Variants in LONP1 observed in about 807,000 individuals in gnomAD.
The protein encoded by LONP1 is lon peptidase 1, mitochondrial.
LONP1 carries 31 observed loss-of-function variants against 98.5 expected under a neutral mutation model. The observed-to-expected ratio is 0.31, with a 90% confidence interval of 0.24 to 0.42. The LOEUF (loss-of-function observed/expected upper bound fraction) is 0.42. LONP1 is among the 20% of genes least tolerant of loss of function. The pLI, the probability that LONP1 is intolerant of heterozygous loss-of-function variation, is 1.00. For synonymous variants in LONP1, 781 were observed against 594.7 expected, an observed-to-expected ratio of 1.31 and a Z score of -4.56; for missense variants, 1,336 against 1,350.6, an observed-to-expected ratio of 0.99 and a Z score of 0.17.
chr19:5,699,272 G>T, intron 9 of LONP1, 67 bp from the exon 10 acceptor site: 1 of 1,298,814 alleles, frequency 7.7e-7, no homozygotes, highest in Non-Finnish European at 1.0e-6. Flanking sequence ...CATGACTCTC[G>T]CCACCTGCAC....
At chr19:5,714,306 G>A (rs2055280678) in intron 1 of LONP1, 35 bp from the exon 2 acceptor site, 1 of 1,464,316 alleles carries the variant, frequency 6.8e-7, no homozygotes, top group African/African-American at 1.4e-5. Flanking sequence ...GAAATGCAGA[G>A]TAGATTTTTT....
At chr19:5,714,634 T>C (rs1166658749) in intron 1 of LONP1, among the ~76,000 whole-genome samples, 1 of 149,296 alleles carries the variant, frequency 6.7e-6, no homozygotes, top group South Asian at 2.1e-4. Context: ...TTTTTTTTTT[T>C]CTGAGACGGA....
chr19:5,709,031 A>T (rs2055194323), intron 4 of LONP1: 1 of 151,376 alleles, frequency 6.6e-6, no homozygotes, highest in African/African-American at 2.4e-5. Flanking sequence ...AAAAAAAAAA[A>T]AAAGACCAAG....
Position 5,691,976 on chromosome 19 carries a change from T to TCAGTTCTGGCCCATACAGGGCCTGACATC in LONP1, c.*55_*56insGATGTCAGGCCCTGTATGGGCCAGAACTG. On this transcript the variant is annotated 3_prime_UTR_variant, in exon 18 of 18. Coordinates refer to ENST00000360614, the MANE Select transcript of LONP1 (RefSeq NM_004793.4). ...GGTCCGGGCGCGCTCCCCACAGCGC[T>TCAGTTCTGGCCCATACAGGGCCTGACATC]CAGTTCTGGCCCAGACAGGGCCTGA... 2 of 1,536,478 alleles carry TCAGTTCTGGCCCATACAGGGCCTGACATC rather than the reference T, an allele frequency of 1.3e-6. No individual in the cohort carries two copies. The highest frequency in any genetic ancestry group is 1.8e-6 in the Non-Finnish European group (2 of 1,135,662).
chr19:5,696,142 G>T lies in LONP1; in HGVS notation c.1925C>A (p.Thr642Lys), dbSNP rs371606894. 6.2e-7 allele frequency: 1 copy of T among 1,612,950 alleles called. No individual in the cohort carries two copies. The highest frequency in any genetic ancestry group is 8.5e-7 in the Non-Finnish European group (1 of 1,179,898). ...TCGCAGCGGCTCGGGGATGGTGTCC[G>T]TGACGTTGGCCGTGCAGATGAACAG... ...KVLFICTANV[T>K]DTIPEPLRDR... is the part of the protein sequence containing the mutation. The change falls in exon 13 of 18, where the codon ACG becomes AAG. Residue 642 changes from threonine to lysine, a missense_variant. Physicochemically the swap from Thr to Lys is moderately conservative, Grantham distance 78 (BLOSUM62 -1). Around this residue, in one of 5 missense-constraint regions of LONP1, gnomAD observed 555 missense variants for 542.6 expected, o/e 1.02. Transcript: ENST00000360614.
intron 7 of LONP1, 37 bp downstream of exon 7, chr19:5,707,023 G>A (rs1433561679): frequency 1.9e-6 from 3 of 1,558,896 alleles, no homozygotes; most frequent in East Asian, 2.3e-5. Context: ...CGAGGGGAAG[G>A]CCCCCAAGAG....
intron 17 of LONP1, among the ~76,000 whole-genome samples, chr19:5,692,730 C>G (rs1443348159): frequency 2.6e-5 from 4 of 152,170 alleles, no homozygotes; most frequent in African/African-American, 9.7e-5. Flanking sequence ...TCCCAATTTG[C>G]CTCCACCATT....
Position 5,696,522 on chromosome 19 carries a change from G to C in LONP1, c.1773+148C>G, listed in dbSNP as rs544843800. On this transcript the variant is annotated intron_variant, in intron 11 of 17. Transcript: ENST00000360614. ...GGGCAGCCTGCTGGGCGTGGCTGTG[G>C]GTGGGAGGGACCCGTCCGTGCCATC... is the stretch of plus-strand genomic sequence containing the variant. The C allele has an allele frequency of 7.8e-4, 1,025 of 1,307,748 alleles. 4 individuals carry two copies. The African/African-American group carries it at 0.014, about 18-fold the overall frequency. The allele number at this position is 1,307,748 out of a possible 1,614,324, so 81.0% of individuals were successfully genotyped here.
At chr19:5,701,694 C>G (rs1315887009) in intron 8 of LONP1, among the ~76,000 whole-genome samples, 2 of 152,188 alleles carry the variant, frequency 1.3e-5, no homozygotes, top group African/African-American at 2.4e-5. Flanking sequence ...CCTCCACCTC[C>G]CAGCCGCCTG....
intron 10 of LONP1, among the ~76,000 whole-genome samples, chr19:5,697,800 CTCCCCGCA>C (rs1441025242): frequency 6.6e-6 from 1 of 152,026 alleles, no homozygotes. Context: ...GACGCCTGCC[CTCCCCGCA>C]GCCCCGCTAC....
chr19:5,693,522 G>C, intron 16 of LONP1, 30 bp downstream of exon 16: 1 of 1,613,114 alleles, frequency 6.2e-7, no homozygotes, highest in African/African-American at 1.3e-5. Flanking sequence ...GGACTGGGCG[G>C]GAGCAGGTGG....
chr19:5,711,604 G>A (rs2055237584), intron 4 of LONP1, among the ~76,000 whole-genome samples, 167 bp downstream of exon 4: 1 of 152,188 alleles, frequency 6.6e-6, no homozygotes. Flanking sequence ...AAGACCTCTG[G>A]GAGGAAAAGC....
At chr19:5,693,241 T>G in intron 17 of LONP1, 57 bp downstream of exon 17, 2 of 1,555,094 alleles carry the variant, frequency 1.3e-6, no homozygotes, top group Non-Finnish European at 1.8e-6. Context: ...GGACTGGGCC[T>G]GTCCCGTGGT....
At chr19:5,710,558 T>G (rs1599474314) in intron 4 of LONP1, among the ~76,000 whole-genome samples, 2 of 152,126 alleles carry the variant, frequency 1.3e-5, no homozygotes, top group South Asian at 4.1e-4. Context: ...TTTATTTTTT[T>G]TGTGGAGACA....
At chr19:5,701,303 GCC>G (rs2055037641) in intron 8 of LONP1, among the ~76,000 whole-genome samples, 1 of 147,922 alleles carries the variant, frequency 6.8e-6, no homozygotes, top group Admixed American at 7.4e-5. Context: ...AAATGCTTCT[GCC>G]TCTGCCTCTG....
At chr19:5,707,570 G>A in intron 6 of LONP1, 127 bp downstream of exon 6, 1 of 986,964 alleles carries the variant, frequency 1.0e-6, no homozygotes, top group East Asian at 2.4e-5. Flanking sequence ...ATGGTGCACG[G>A]TGGAGGGACA....
chr19:5,706,336 C>T (rs1219048155), intron 7 of LONP1, among the ~76,000 whole-genome samples: 1 of 152,104 alleles, frequency 6.6e-6, no homozygotes, highest in African/African-American at 2.4e-5. Context: ...GGGCCAGGCG[C>T]GGTGGCTCAC....
At chr19:5,697,056 C>T (rs531271281) in intron 10 of LONP1, among the ~76,000 whole-genome samples, 63 of 152,294 alleles carry the variant, frequency 4.1e-4, no homozygotes, top group African/African-American at 1.4e-3. Flanking sequence ...AGCAGAAGGC[C>T]CCCACTCCTC....
chr19:5,714,383 A>C lies in LONP1; in HGVS notation c.430-112T>G, dbSNP rs548741619. On this transcript the variant is annotated intron_variant, in intron 1 of 17. Coordinates refer to ENST00000360614, the MANE Select transcript of LONP1 (RefSeq NM_004793.4). ...AATGGCGTGATCTCAGCTCACTGCA[A>C]CCTCCACCCCCACTGAGTTCAAGGG... 5.6e-6 allele frequency: 4 copies of C among 710,334 alleles called. No individual in the cohort carries two copies. The South Asian group carries it at 6.6e-5, about 12-fold the overall frequency. The allele number at this position is 710,334 out of a possible 1,614,324, so 44.0% of individuals were successfully genotyped here.
Sources: gnomAD v4.1 joint callset for allele counts (sites outside exome capture counted in the v4.1 genomes callset) on GRCh38, gnomAD v4.1.1 for gene constraint, gnomAD v4.1.1 regional missense constraint, MANE v1.5 for transcripts, NCBI Gene and HGNC (gene_info 2026-07-23, HGNC 2026-07-21) for gene names.